Variants in LRRC75A observed in about 807,000 individuals in gnomAD.
The protein encoded by LRRC75A is leucine rich repeat containing 75A.
Under a neutral mutation model 26.0 loss-of-function variants are expected in LRRC75A, and 12 were observed. The ratio of observed to expected loss-of-function variants is 0.46; its 90% CI spans 0.30 to 0.75. LRRC75A has a LOEUF of 0.75. LRRC75A is among the 30% of genes least tolerant of loss of function. LRRC75A has a pLI of 0.08. For synonymous variants in LRRC75A, 223 were observed against 219.3 expected, an observed-to-expected ratio of 1.02 and a Z score of -0.15; for missense variants, 410 against 486.6, an observed-to-expected ratio of 0.84 and a Z score of 1.48.
At position 16,461,717 on chromosome 17, in the gene LRRC75A, C is replaced by T. The variant is rs117940997; in HGVS notation, c.375+541G>A. On this transcript the variant is annotated intron_variant, in intron 2 of 3. Transcript: ENST00000470794. ...AAAGCGGACAGCCCCATGCAGGGCC[C>T]CGGACGGCCTTCTATGACACCTTTG... Among the ~76,000 whole-genome samples the T allele has an allele frequency of 1.5e-3, 236 of 152,312 alleles. 1 individual carries two copies. The highest frequency in any genetic ancestry group is 2.9e-3 in the Admixed American group (44 of 15,310).
In LRRC75A at chr17:16,462,542, G is replaced by C. The variant is rs2093736007; in HGVS notation, c.247-156C>G. Among the ~76,000 whole-genome samples the C allele has an allele frequency of 6.6e-6, 1 of 152,238 alleles. No individual in the cohort carries two copies. Among genetic ancestry groups the C allele is most frequent in the South Asian group, 2.1e-4 (1 of 4,836 alleles). ...AGAACTTCCCTCAGGGGCTGGGGCA[G>C]GCCTCTCCTGTTTGTCTTTGCCTCC... On this transcript the variant is annotated intron_variant, in intron 1 of 3. Coordinates refer to ENST00000470794, the MANE Select transcript of LRRC75A (RefSeq NM_001113567.3). This position sits in a 1 kb window ranked among gnomAD's most constrained non-coding sequence, Gnocchi z 4.6.
chr17:16,492,085 C>T lies in LRRC75A; in HGVS notation c.-95G>A. 9.8e-7 allele frequency: 1 copy of T among 1,023,708 alleles called. No homozygotes were observed. The highest frequency in any genetic ancestry group is 1.2e-6 in the Non-Finnish European group (1 of 854,042). 63.4% of individuals were successfully genotyped at this position (1,023,708 alleles called of 1,614,324 possible). A position where few individuals can be genotyped will look rare whatever the true frequency, so the allele number is the denominator to read the frequency against. On this transcript the variant is annotated 5_prime_UTR_variant, in exon 1 of 4. Transcript: ENST00000470794. The stretch of plus-strand genomic sequence containing the variant: ...CGGCCGCCCGTGCGCGCTCGCCTCC[C>T]GGGCTGCAACTTTGGGGGAACTGTT...
At chr17:16,460,146 G>A (rs1235473610) in intron 2 of LRRC75A, among the ~76,000 whole-genome samples, 1 of 152,116 alleles carries the variant, frequency 6.6e-6, no homozygotes, top group Non-Finnish European at 1.5e-5. Context: ...GACACAGGAA[G>A]GTGACTGTCT....
In LRRC75A at chr17:16,462,185, A is replaced by G; in HGVS notation, c.375+73T>C. ...CTGTCTGCCAGTCCTCCTTGGGCATACAGCTGCTCTGCCCAGAAAGGCACC... is the reference window on the plus strand; with the variant it reads ...CTGTCTGCCAGTCCTCCTTGGGCATGCAGCTGCTCTGCCCAGAAAGGCACC... On this transcript the variant is annotated intron_variant, in intron 2 of 3. Transcript: ENST00000470794. The surrounding 1 kb of genome is among the most constrained non-coding windows in gnomAD (Gnocchi z 4.6). The G allele has an allele frequency of 6.3e-7, 1 of 1,575,422 alleles. No homozygotes were observed. Among genetic ancestry groups the G allele is most frequent in the Non-Finnish European group, 8.6e-7 (1 of 1,158,186 alleles).
At chr17:16,473,153 G>A (rs1004732605) in intron 1 of LRRC75A, among the ~76,000 whole-genome samples, 2 of 151,812 alleles carry the variant, frequency 1.3e-5, no homozygotes, top group African/African-American at 2.4e-5. Flanking sequence ...GTGTGTGTGC[G>A]CGCGCGCCCC....
At chr17:16,455,823 C>A (rs1200195115) in intron 2 of LRRC75A, among the ~76,000 whole-genome samples, 1 of 152,220 alleles carries the variant, frequency 6.6e-6, no homozygotes, top group African/African-American at 2.4e-5. Flanking sequence ...GCTGATGCTC[C>A]TAACCGCTAT....
intron 2 of LRRC75A, among the ~76,000 whole-genome samples, chr17:16,456,292 G>GAGGAGA (rs2093681784): frequency 1.5e-5 from 2 of 135,836 alleles, no homozygotes; most frequent in Non-Finnish European, 3.2e-5. Flanking sequence ...GGAGGAGGAA[G>GAGGAGA]AGAAGGAAGA....
At chr17:16,474,280 C>A (rs1248505092) in intron 1 of LRRC75A, among the ~76,000 whole-genome samples, 2 of 152,230 alleles carry the variant, frequency 1.3e-5, no homozygotes, top group African/African-American at 2.4e-5. Flanking sequence ...CCAGCTCATT[C>A]TTCCAGAGTT....
intron 1 of LRRC75A, among the ~76,000 whole-genome samples, chr17:16,489,373 C>T (rs1384440466): frequency 6.6e-6 from 1 of 152,138 alleles, no homozygotes; most frequent in Admixed American, 6.5e-5. Flanking sequence ...ACAGGGTGCC[C>T]CACGCTTTGC....
intron 1 of LRRC75A, among the ~76,000 whole-genome samples, chr17:16,481,762 C>G (rs575637652): frequency 1.7e-3 from 263 of 152,244 alleles, no homozygotes; most frequent in Non-Finnish European, 2.9e-3. Context: ...GCCCTCCAGA[C>G]AGTGGGGCAG....
At chr17:16,455,459 A>T (rs1601118121) in intron 2 of LRRC75A, among the ~76,000 whole-genome samples, 1 of 150,936 alleles carries the variant, frequency 6.6e-6, no homozygotes, top group East Asian at 2.0e-4. Context: ...GCTCAATGCA[A>T]CCTCCATCTC....
chr17:16,447,735 C>T, intron 3 of LRRC75A, 110 bp downstream of exon 3: 1 of 801,326 alleles, frequency 1.2e-6, no homozygotes, highest in Non-Finnish European at 1.9e-6. Context: ...CAGGCAGCTT[C>T]TATGACCACC....
intron 2 of LRRC75A, among the ~76,000 whole-genome samples, chr17:16,448,542 C>G (rs11871929): frequency 6.6e-6 from 1 of 152,144 alleles, no homozygotes; most frequent in South Asian, 2.1e-4. Flanking sequence ...CCGTTGGCAT[C>G]TGAGTTTGAA....
intron 2 of LRRC75A, among the ~76,000 whole-genome samples, chr17:16,456,273 G>GGAA (rs71152812): frequency 0.32 from 33,629 of 106,516 alleles, 8,300 homozygotes; most frequent in African/African-American, 0.34. Context: ...AAGAGGAGGA[G>GGAA]GAGGAAGAGG....
At chr17:16,469,991 C>T (rs992384847) in intron 1 of LRRC75A, among the ~76,000 whole-genome samples, 2 of 152,264 alleles carry the variant, frequency 1.3e-5, no homozygotes, top group Non-Finnish European at 2.9e-5. Flanking sequence ...CCCTTCCTTC[C>T]GGAGGTCTCA....
intron 1 of LRRC75A, among the ~76,000 whole-genome samples, chr17:16,484,715 G>T (rs914910197): frequency 6.6e-6 from 1 of 152,122 alleles, no homozygotes; most frequent in Non-Finnish European, 1.5e-5. Context: ...AAGAAAAGCT[G>T]CAGGGAGTGG....
chr17:16,446,979 T>G (rs1446832160), intron 3 of LRRC75A: 2 of 363,046 alleles, frequency 5.5e-6, no homozygotes, highest in South Asian at 2.0e-5. Context: ...ACCAGAGTTC[T>G]TTCTTCTCCA....
chr17:16,482,886 G>A (rs1022960612), intron 1 of LRRC75A, among the ~76,000 whole-genome samples: 1 of 152,260 alleles, frequency 6.6e-6, no homozygotes, highest in African/African-American at 2.4e-5. Context: ...TGCACAGTCA[G>A]GTGCCAGGCA....
intron 2 of LRRC75A, among the ~76,000 whole-genome samples, chr17:16,449,057 C>T (rs766332745): frequency 2.0e-5 from 3 of 152,218 alleles, no homozygotes; most frequent in Non-Finnish European, 4.4e-5. Context: ...GGACCAAAAG[C>T]GTGCTCCTGC....
Sources: allele counts gnomAD v4.1 joint callset (sites outside exome capture counted in the v4.1 genomes callset), GRCh38; gene constraint gnomAD v4.1.1; non-coding constraint Gnocchi (gnomAD v3.1); transcripts MANE v1.5; gene names NCBI Gene and HGNC (gene_info 2026-07-23, HGNC 2026-07-21).